The following ZNF221 variants were observed in gnomAD, a reference collection of about 807,000 sequenced individuals.
ZNF221 encodes zinc finger protein 221.
In ZNF221, 10 loss-of-function variants were observed where a neutral mutation model predicts 12.6. The observed-to-expected ratio is 0.79, with a 90% CI of 0.49 to 1.34. The LOEUF (loss-of-function observed/expected upper bound fraction) is 1.34, where lower values mean the gene tolerates loss of function less well. ZNF221 is among the 40% of genes most tolerant of loss of function. The pLI is 0.00. For synonymous variants in ZNF221, 232 were observed against 244.0 expected (o/e 0.95, Z 0.46); for missense variants, 661 against 721.4 (o/e 0.92, Z 0.96).
the ZNF221 span, among the ~76,000 whole-genome samples, chr19:43,976,403 G>A: frequency 6.6e-6 from 1 of 152,014 alleles, no homozygotes; most frequent in African/African-American, 2.4e-5. Flanking sequence ...CTGGTGTGGT[G>A]GTGTGTGCCT....
At position 43,966,920 on chromosome 19, in the gene ZNF221, C is replaced by T. The variant is rs137927960; in HGVS notation, c.1418C>T (p.Thr473Met). The change falls in exon 5 of 5, where the codon ACG (threonine) becomes ATG (methionine). Residue 473 changes from threonine to methionine, a missense_variant. Coordinates refer to ENST00000587682, the MANE Select transcript of ZNF221 (RefSeq NM_001297588.2). Reference protein sequence around the residue: ...LDLEFHQRVHTGERPYNCKEC... With the variant: ...LDLEFHQRVHMGERPYNCKEC... Reference sequence around the variant, plus strand: ...CTTGAGTTTCACCAGAGGGTCCACACGGGTGAGAGACCCTATAATTGTAAG... The same window carrying T: ...CTTGAGTTTCACCAGAGGGTCCACATGGGTGAGAGACCCTATAATTGTAAG... 916 of 1,613,504 alleles carry T rather than the reference C, an allele frequency of 5.7e-4. No individual in the cohort carries two copies. The highest frequency in any genetic ancestry group is 7.0e-4 in the Non-Finnish European group (830 of 1,179,846).
downstream of ZNF221, among the ~76,000 whole-genome samples, chr19:43,970,958 T>A (rs1226105944): frequency 6.6e-6 from 1 of 152,010 alleles, no homozygotes; most frequent in Non-Finnish European, 1.5e-5. Flanking sequence ...CCAAGACACA[T>A]AATCATCAGA....
chr19:43,979,963 T>A, the ZNF221 span, among the ~76,000 whole-genome samples: 1 of 152,190 alleles, frequency 6.6e-6, no homozygotes, highest in Non-Finnish European at 1.5e-5. Context: ...TATTGGATAA[T>A]CCCAAGCATA....
rs61734608 is a variant in ZNF221 at position 43,967,080 on chromosome 19, A to G, written c.1578A>G (p.Thr526=). ...TQSSQLHSHQ[T]CHTGEKLYKC... is the part of the protein sequence containing the mutation. ...GTTCACAACTTCATTCCCATCAGAC[A>G]TGCCATACTGGAGAAAAGCTATACA... The change falls in exon 5 of 5, where the codon ACA becomes ACG. Residue 526 remains threonine, a synonymous_variant. Coordinates refer to ENST00000587682, the MANE Select transcript of ZNF221 (RefSeq NM_001297588.2). 2 of 1,596,484 alleles carry G rather than the reference A, an allele frequency of 1.3e-6. No individual in the cohort carries two copies. Among genetic ancestry groups the G allele is most frequent in the East Asian group, 2.3e-5 (1 of 43,276 alleles).
rs773705845 is a variant in ZNF221, at chr19:43,966,235, C to T, written c.733C>T (p.Gln245Ter). 6.2e-7 allele frequency: 1 copy of T among 1,614,196 alleles called. No individual in the cohort carries two copies. Among genetic ancestry groups the T allele is most frequent in the South Asian group, 1.1e-5 (1 of 91,080 alleles). Residue 245 changes from glutamine (Q) to a stop codon, truncating the protein, a stop_gained, in exon 5 of 5, where the codon CAG becomes TAG. Coordinates refer to ENST00000587682, the MANE Select transcript of ZNF221 (RefSeq NM_001297588.2). LOFTEE classifies it low-confidence loss of function (END_TRUNC). Reference protein sequence around the residue: ...FNQSSHLQTHQRVHTGEKPFK... With the variant: ...FNQSSHLQTH ...TCAGAGCTCACATCTGCAAACTCAT[C>T]AGAGAGTCCATACTGGAGAGAAACC...
chr19:43,977,491 G>A, the ZNF221 span: 1 of 152,208 alleles, frequency 6.6e-6, no homozygotes, highest in Non-Finnish European at 1.5e-5. Flanking sequence ...CATAACTAAT[G>A]TGTGTGATTC....
intron 2 of ZNF221, 45 bp downstream of exon 2, chr19:43,962,852 A>G: frequency 1.3e-6 from 2 of 1,549,894 alleles, no homozygotes; most frequent in Non-Finnish European, 1.8e-6. Flanking sequence ...CCATCTTACT[A>G]CTCATATTGT....
chr19:43,967,534 A>G lies in ZNF221; in HGVS notation c.*178A>G, dbSNP rs536821755. 6.2e-5 allele frequency: 35 copies of G among 566,940 alleles called. No homozygotes were observed. In the East Asian group the frequency reaches 8.0e-4, roughly 13 times the overall value. 35.1% of individuals were successfully genotyped at this position (566,940 alleles called of 1,614,324 possible). A position where few individuals can be genotyped will look rare whatever the true frequency, so the allele number is the denominator to read the frequency against. On this transcript the variant is annotated 3_prime_UTR_variant, in exon 5 of 5. Transcript: ENST00000587682. ...CACTCTTTCACCCAGGCCTGACTGC[A>G]GTGGCGCTATCTCAGCTCACTGCAA...
chr19:43,959,588 T>A (rs577198404), intron 1 of ZNF221, among the ~76,000 whole-genome samples: 103 of 152,210 alleles, frequency 6.8e-4, no homozygotes, highest in Admixed American at 1.9e-3. Context: ...TGAGATCTGG[T>A]TGTTTAAAAG....
In ZNF221 at chr19:43,967,480, CTTTT is replaced by C. The variant is rs56887248; in HGVS notation, c.*137_*140del. On this transcript the variant is annotated 3_prime_UTR_variant, in exon 5 of 5. Transcript: ENST00000587682. The stretch of plus-strand genomic sequence containing the variant: ...GAAGAGCTTTGTACATAGATCATAT[CTTTT>C]TTTTTTTTTTTTGAGACAGAGTCTC... 732 of 536,154 alleles carry C rather than the reference CTTTT, an allele frequency of 1.4e-3. No individual in the cohort carries two copies. The highest frequency in any genetic ancestry group is 2.4e-3 in the South Asian group (86 of 36,286). The allele number at this position is 536,154 out of a possible 1,614,324, so 33.2% of individuals were successfully genotyped here. A position where few individuals can be genotyped will look rare whatever the true frequency, so the allele number is the denominator to read the frequency against.
the ZNF221 span, among the ~76,000 whole-genome samples, chr19:43,975,627 C>A: frequency 3.5e-4 from 54 of 152,152 alleles, no homozygotes; most frequent in African/African-American, 1.2e-3. Context: ...TGCAGCAAAC[C>A]ACCATGGCTC....
intron 2 of ZNF221, 56 bp downstream of exon 2, chr19:43,962,863 C>T (rs1382446365): frequency 1.3e-6 from 2 of 1,525,902 alleles, no homozygotes; most frequent in Admixed American, 1.8e-5. Context: ...CTCATATTGT[C>T]ACATTTTTAT....
chr19:43,962,902 C>A, intron 2 of ZNF221, 95 bp downstream of exon 2: 1 of 1,219,354 alleles, frequency 8.2e-7, no homozygotes, highest in Non-Finnish European at 1.1e-6. Context: ...AGGAGAACAA[C>A]AAGCATTTGA....
At chr19:43,955,404 T>TTC (rs1974739775) in intron 1 of ZNF221, among the ~76,000 whole-genome samples, 1 of 152,168 alleles carries the variant, frequency 6.6e-6, no homozygotes, top group South Asian at 2.1e-4. Flanking sequence ...TACTCCCATA[T>TTC]CCACTAATTT....
At chr19:43,973,252 A>C in the ZNF221 span, among the ~76,000 whole-genome samples, 4,123 of 152,236 alleles carry the variant, frequency 0.027, 134 homozygotes, top group African/African-American at 0.079. Flanking sequence ...CATACCTCAA[A>C]ATAATAAGAG....
At chr19:43,970,603 A>G (rs1975077040), downstream of ZNF221, among the ~76,000 whole-genome samples, 1 of 152,242 alleles carries the variant, frequency 6.6e-6, no homozygotes, top group African/African-American at 2.4e-5. Flanking sequence ...ACACAACACA[A>G]GAACTTAACA....
At chr19:43,954,813 C>T (rs1390060049) in intron 1 of ZNF221, among the ~76,000 whole-genome samples, 2 of 152,104 alleles carry the variant, frequency 1.3e-5, no homozygotes, top group African/African-American at 2.4e-5. Context: ...AATCATTATA[C>T]TGGTGTTCTC....
intron 1 of ZNF221, among the ~76,000 whole-genome samples, chr19:43,960,869 C>A (rs1393495054): frequency 6.6e-6 from 1 of 152,214 alleles, no homozygotes; most frequent in African/African-American, 2.4e-5. Context: ...CAGTCAGAAG[C>A]CTGCCACAGT....
intron 1 of ZNF221, among the ~76,000 whole-genome samples, chr19:43,957,572 G>A (rs1349244263): frequency 6.6e-6 from 1 of 152,186 alleles, no homozygotes; most frequent in Non-Finnish European, 1.5e-5. Context: ...CTGTTGGAAT[G>A]AGTCCCATGA....
Sources: allele counts gnomAD v4.1 joint callset (sites outside exome capture counted in the v4.1 genomes callset), GRCh38; gene constraint gnomAD v4.1.1; transcripts MANE v1.5; gene names NCBI Gene and HGNC (gene_info 2026-07-23, HGNC 2026-07-21).